Variants in PARD3B observed in about 807,000 individuals in gnomAD.
The protein encoded by PARD3B is par-3 family cell polarity regulator beta.
Under a neutral mutation model 130.2 loss-of-function variants are expected in PARD3B, and 103 were observed. That is an observed-to-expected ratio of 0.79 (90% confidence interval 0.67 to 0.93). PARD3B has a LOEUF of 0.93. PARD3B is among the 40% of genes least tolerant of loss of function. The probability of loss-of-function intolerance (pLI) is 0.00; values close to 1 mark genes in which losing one functional copy is unlikely to be tolerated. For synonymous variants in PARD3B, 583 were observed against 553.2 expected, an observed-to-expected ratio of 1.05 and a Z score of -0.76; for missense variants, 1,609 against 1,499.2, an observed-to-expected ratio of 1.07 and a Z score of -1.21.
intron 19 of PARD3B, among the ~76,000 whole-genome samples, chr2:205,404,450 T>A (rs1574936892): frequency 6.6e-6 from 1 of 152,204 alleles, no homozygotes; most frequent in East Asian, 1.9e-4. Flanking sequence ...TAATCCCCCA[T>A]GGATACCAAG....
chr2:204,681,225 AGGATTAGTAT>A, intron 1 of PARD3B, among the ~76,000 whole-genome samples: 1 of 152,308 alleles, frequency 6.6e-6, no homozygotes, highest in South Asian at 2.1e-4. Flanking sequence ...ATCTGATATT[AGGATTAGTAT>A]GGCCATACCA....
chr2:205,576,547 A>C (rs1286263663), intron 22 of PARD3B, among the ~76,000 whole-genome samples: 1 of 152,128 alleles, frequency 6.6e-6, no homozygotes, highest in Non-Finnish European at 1.5e-5. Flanking sequence ...TTTGTTGAAA[A>C]GACGATCTCT....
chr2:205,022,025 T>G (rs1696649143), intron 3 of PARD3B, among the ~76,000 whole-genome samples: 1 of 152,212 alleles, frequency 6.6e-6, no homozygotes, highest in Admixed American at 6.5e-5. Flanking sequence ...TTATTACTCT[T>G]ACTTTCATAA....
At chr2:204,729,885 A>G (rs2039412330) in intron 2 of PARD3B, among the ~76,000 whole-genome samples, 1 of 152,080 alleles carries the variant, frequency 6.6e-6, no homozygotes, top group Non-Finnish European at 1.5e-5. Context: ...ATTGAAAAAC[A>G]AAATTAGTAT....
intron 1 of PARD3B, among the ~76,000 whole-genome samples, chr2:204,642,917 C>T (rs2125155764): frequency 6.6e-6 from 1 of 151,182 alleles, no homozygotes; most frequent in Admixed American, 6.6e-5. Flanking sequence ...ACCAAGACCA[C>T]CCTGGCTAAC....
At chr2:205,609,171 G>A (rs940683061) in intron 22 of PARD3B, among the ~76,000 whole-genome samples, 16 of 152,224 alleles carry the variant, frequency 1.1e-4, no homozygotes, top group South Asian at 1.0e-3. Context: ...AACCACATTC[G>A]TGCCTGGACC....
In PARD3B at chr2:205,158,262, T is replaced by A. The variant is rs1258861799; in HGVS notation, c.1435-460T>A. Among the ~76,000 whole-genome samples, 1 of 152,198 alleles carries A rather than the reference T, an allele frequency of 6.6e-6. No homozygotes were observed. Among genetic ancestry groups the A allele is most frequent in the African/African-American group, 2.4e-5 (1 of 41,452 alleles). On this transcript the variant is annotated intron_variant, in intron 10 of 22. Coordinates refer to ENST00000406610, the MANE Select transcript of PARD3B (RefSeq NM_001302769.2). This position sits in a 1 kb window ranked among gnomAD's most constrained non-coding sequence, Gnocchi z 5.4. ...TAAATGATATGTTTTAAATTATATATGCCCCATATTTTCCTGAAATTTTAA... is the reference window on the plus strand; with the variant it reads ...TAAATGATATGTTTTAAATTATATAAGCCCCATATTTTCCTGAAATTTTAA...
rs1000712104 is a variant in PARD3B at position 204,689,473 on chromosome 2, C to G, written c.222+3191C>G. On this transcript the variant is annotated intron_variant, in intron 2 of 22. Transcript: ENST00000406610. The surrounding 1 kb of genome is among the most constrained non-coding windows in gnomAD (Gnocchi z 5.2). The stretch of plus-strand genomic sequence containing the variant: ...ATTATCTGGTTGTGACAGTTATTCT[C>G]AAGATTCTTCAGTTTGTCTATCAGT... Among the ~76,000 whole-genome samples the G allele has an allele frequency of 6.6e-6, 1 of 152,060 alleles. No homozygotes were observed. Among genetic ancestry groups the G allele is most frequent in the Non-Finnish European group, 1.5e-5 (1 of 67,994 alleles).
intron 18 of PARD3B, among the ~76,000 whole-genome samples, chr2:205,393,809 C>G (rs545340222): frequency 1.5e-3 from 230 of 152,080 alleles, no homozygotes; most frequent in Non-Finnish European, 2.6e-3. Context: ...AGGAAAAATG[C>G]CAGAGGACAA....
chr2:205,580,399 C>G (rs1406821324), intron 22 of PARD3B, among the ~76,000 whole-genome samples: 1 of 152,126 alleles, frequency 6.6e-6, no homozygotes, highest in African/African-American at 2.4e-5. Flanking sequence ...CCGGTCTCTT[C>G]CTTGACATCG....
intron 21 of PARD3B, among the ~76,000 whole-genome samples, chr2:205,542,840 A>G (rs1053618376): frequency 5.9e-5 from 9 of 152,292 alleles, no homozygotes; most frequent in African/African-American, 2.2e-4. Flanking sequence ...GACTATTTAT[A>G]GTTTATTTTT....
At position 205,001,236 on chromosome 2, in the gene PARD3B, A is replaced by G. The variant is rs553100953; in HGVS notation, c.394+35913A>G. Among the ~76,000 whole-genome samples, 6 of 152,072 alleles carry G rather than the reference A, an allele frequency of 3.9e-5. No individual in the cohort carries two copies. In the South Asian group the frequency reaches 1.2e-3, roughly 32 times the overall value. Reference sequence around the variant, plus strand: ...ACTCCTGACCTCAGGTGATCTGCTCACCTCGGCCTCCCAAAATGCTGGAAA... The same window carrying G: ...ACTCCTGACCTCAGGTGATCTGCTCGCCTCGGCCTCCCAAAATGCTGGAAA... On this transcript the variant is annotated intron_variant, in intron 3 of 22. Coordinates refer to ENST00000406610, the MANE Select transcript of PARD3B (RefSeq NM_001302769.2).
At chr2:204,739,074 C>T (rs931307844) in intron 2 of PARD3B, among the ~76,000 whole-genome samples, 4 of 152,106 alleles carry the variant, frequency 2.6e-5, no homozygotes, top group Admixed American at 2.0e-4. Context: ...TTTTTTAAAT[C>T]TACTTTTTAA....
intron 2 of PARD3B, among the ~76,000 whole-genome samples, chr2:204,725,151 T>A (rs1354950112): frequency 6.6e-6 from 1 of 152,224 alleles, no homozygotes; most frequent in Non-Finnish European, 1.5e-5. Context: ...CTCTTTTGTT[T>A]GAATTATGGT....
At chr2:205,188,231 A>G (rs1235635265) in intron 14 of PARD3B, among the ~76,000 whole-genome samples, 3 of 152,224 alleles carry the variant, frequency 2.0e-5, no homozygotes, top group Non-Finnish European at 4.4e-5. Context: ...CTCTAGACAG[A>G]GAAGTGGCGG....
chr2:204,576,049 G>T (rs2032241283), intron 1 of PARD3B, among the ~76,000 whole-genome samples: 1 of 152,024 alleles, frequency 6.6e-6, no homozygotes, highest in Non-Finnish European at 1.5e-5. Flanking sequence ...TTCCTTCTGG[G>T]GACCCACTTC....
At chr2:204,740,016 T>C (rs936957634) in intron 2 of PARD3B, among the ~76,000 whole-genome samples, 1 of 152,002 alleles carries the variant, frequency 6.6e-6, no homozygotes, top group Non-Finnish European at 1.5e-5. Context: ...CTTTTGTTTT[T>C]TCTTTTTTGT....
chr2:205,136,899 T>C (rs1285068573), intron 10 of PARD3B, among the ~76,000 whole-genome samples: 1 of 152,220 alleles, frequency 6.6e-6, no homozygotes, highest in Non-Finnish European at 1.5e-5. Context: ...AGCAAGTATT[T>C]ACTGAACACC....
Position 205,141,446 on chromosome 2 carries a change from C to CT in PARD3B, c.1434+15716dup, listed in dbSNP as rs544817786. 2.1e-3 allele frequency among the ~76,000 whole-genome samples: 320 copies of CT among 152,144 alleles called. 1 individual carries two copies. Among genetic ancestry groups the CT allele is most frequent in the African/African-American group, 7.3e-3 (305 of 41,516 alleles). On this transcript the variant is annotated intron_variant, in intron 10 of 22. Coordinates refer to ENST00000406610, the MANE Select transcript of PARD3B (RefSeq NM_001302769.2). ...TCTTAGTTTTAAATGTGAAAAATTG[C>CT]TTTTTTTGGTTTAATTTGAACAGGG...
Sources: allele counts gnomAD v4.1 joint callset (sites outside exome capture counted in the v4.1 genomes callset), GRCh38; gene constraint gnomAD v4.1.1; non-coding constraint Gnocchi (gnomAD v3.1); transcripts MANE v1.5; gene names NCBI Gene and HGNC (gene_info 2026-07-23, HGNC 2026-07-21).